The following WASF3 variants were observed in gnomAD, a reference collection of about 807,000 sequenced individuals.
WASF3 encodes the protein actin-binding protein WASF3.
A neutral mutation model predicts 46.6 loss-of-function variants in WASF3; 11 were observed. The ratio of observed to expected loss-of-function variants is 0.24; its 90% CI spans 0.15 to 0.39. WASF3 has a LOEUF of 0.39. Among genes scored for constraint, WASF3 ranks in the 10% least tolerant of loss-of-function variants. WASF3 has a pLI of 1.00. For missense variants in WASF3, 576 were observed against 669.8 expected (o/e 0.86, Z 1.55); for synonymous variants, 242 against 259.7 (o/e 0.93, Z 0.65).
chr13:26,594,991 C>G (rs1340252455), intron 1 of WASF3, among the ~76,000 whole-genome samples: 1 of 152,194 alleles, frequency 6.6e-6, no homozygotes, highest in Admixed American at 6.5e-5. Flanking sequence ...TGTATAACCA[C>G]CAGCAGTGTA....
intron 1 of WASF3, among the ~76,000 whole-genome samples, chr13:26,611,927 C>G (rs1332475318): frequency 1.3e-5 from 2 of 150,924 alleles, no homozygotes; most frequent in Non-Finnish European, 1.5e-5. Context: ...TCATGGGGGT[C>G]CAGATAATTC....
Position 26,613,021 on chromosome 13 carries a change from G to A in WASF3, c.-48G>A, listed in dbSNP as rs562317883. ...CTGAGCCAAAGTGGTGATGCTACTT[G>A]AGGGGAATTTCTGCAACCCATAGTC... On this transcript the variant is annotated 5_prime_UTR_variant, in exon 2 of 10. Coordinates refer to ENST00000335327, the MANE Select transcript of WASF3 (RefSeq NM_006646.6). 2 of 152,158 alleles carry A rather than the reference G, an allele frequency of 1.3e-5. No homozygotes were observed. The highest frequency in any genetic ancestry group is 3.9e-4 in the East Asian group (2 of 5,190). 9.4% of individuals were successfully genotyped at this position (152,158 alleles called of 1,614,324 possible).
At chr13:26,601,236 A>G (rs1383165865) in intron 1 of WASF3, among the ~76,000 whole-genome samples, 1 of 152,216 alleles carries the variant, frequency 6.6e-6, no homozygotes, top group African/African-American at 2.4e-5. Context: ...AATTCCATTT[A>G]TCTCAGCAGT....
chr13:26,568,402 TGACAGAGAA>T (rs1345260127), intron 1 of WASF3, among the ~76,000 whole-genome samples: 2 of 152,270 alleles, frequency 1.3e-5, no homozygotes, highest in East Asian at 3.9e-4. Flanking sequence ...GCACTGCTGC[TGACAGAGAA>T]GCAAAGGTGC....
In WASF3 at chr13:26,676,720, A is replaced by T. The variant is rs774806573; in HGVS notation, c.712A>T (p.Thr238Ser). The T allele has an allele frequency of 2.5e-6, 4 of 1,613,362 alleles. No individual in the cohort carries two copies. Among genetic ancestry groups the T allele is most frequent in the Middle Eastern group, 1.7e-4 (1 of 6,058 alleles). The change falls in exon 7 of 10, where the codon ACT (threonine) becomes TCT (serine). Residue 238 changes from threonine to serine, a missense_variant. By Grantham distance (58) the Thr-to-Ser change is moderately conservative. Around this residue, in one of 3 missense-constraint regions of WASF3, gnomAD observed 295 missense variants for 291.5 expected, o/e 1.01. Coordinates refer to ENST00000335327, the MANE Select transcript of WASF3 (RefSeq NM_006646.6). ...TTCCGAGGGATCCCTGTCCCCAGAT[A>T]CTAGGTGTGTGTGTGTCACTGCTCC... ...ASSEGSLSPD[T>S]RSHASDVTDY...
At chr13:26,586,646 A>G (rs1880135892) in intron 1 of WASF3, among the ~76,000 whole-genome samples, 1 of 152,152 alleles carries the variant, frequency 6.6e-6, no homozygotes, top group Admixed American at 6.5e-5. Context: ...TCTAGTTCCT[A>G]AGAGAATTGT....
chr13:26,681,290 C>T lies in WASF3; in HGVS notation c.953C>T (p.Ala318Val). 1 of 1,609,582 alleles carries T rather than the reference C, an allele frequency of 6.2e-7. No individual in the cohort carries two copies. The highest frequency in any genetic ancestry group is 8.5e-7 in the Non-Finnish European group (1 of 1,178,050). Reference sequence around the variant, plus strand: ...CCTCAGGCCCCAGAGGGGTCCCAGGCCTCTGCACCGATGGCTCCAGCAGAC... The same window carrying T: ...CCTCAGGCCCCAGAGGGGTCCCAGGTCTCTGCACCGATGGCTCCAGCAGAC... ...PPPQAPEGSQ[A>V]SAPMAPADYG... The change falls in exon 8 of 10, where the codon GCC (alanine) becomes GTC (valine). Residue 318 changes from alanine (A) to valine (V), a missense_variant. By Grantham distance (64) the Ala-to-Val change is moderately conservative. Transcript: ENST00000335327.
At chr13:26,665,496 C>T (rs1467160360) in intron 4 of WASF3, among the ~76,000 whole-genome samples, 1 of 152,208 alleles carries the variant, frequency 6.6e-6, no homozygotes, top group African/African-American at 2.4e-5. Context: ...CTAAAACTTA[C>T]AGAGCCACTC....
intron 2 of WASF3, among the ~76,000 whole-genome samples, chr13:26,631,378 C>T (rs1881647722): frequency 6.6e-6 from 1 of 152,188 alleles, no homozygotes; most frequent in Non-Finnish European, 1.5e-5. Context: ...CCAGTTTTAG[C>T]TTTCTACATA....
At chr13:26,579,596 T>C (rs185190215) in intron 1 of WASF3, among the ~76,000 whole-genome samples, 162 of 152,324 alleles carry the variant, frequency 1.1e-3, no homozygotes, top group Non-Finnish European at 1.2e-3. Context: ...TAGTTTACTA[T>C]TTTGTTTTTT....
intron 3 of WASF3, among the ~76,000 whole-genome samples, chr13:26,656,332 TTC>T (rs1882464333): frequency 6.6e-6 from 1 of 152,194 alleles, no homozygotes; most frequent in African/African-American, 2.4e-5. Context: ...ACATTTACCT[TTC>T]TCTTTACCTA....
chr13:26,560,135 C>T (rs1593364982), intron 1 of WASF3, among the ~76,000 whole-genome samples: 1 of 151,632 alleles, frequency 6.6e-6, no homozygotes, highest in East Asian at 2.0e-4. Context: ...CTCAACTTCT[C>T]TTCTCAGTCC....
intron 1 of WASF3, among the ~76,000 whole-genome samples, chr13:26,608,919 CT>C (rs1417881345): frequency 6.6e-6 from 1 of 152,072 alleles, no homozygotes; most frequent in Non-Finnish European, 1.5e-5. Context: ...ATGATGTGAT[CT>C]CATCGATAGA....
chr13:26,563,222 G>A (rs950214985), intron 1 of WASF3, among the ~76,000 whole-genome samples: 1 of 151,914 alleles, frequency 6.6e-6, no homozygotes, highest in African/African-American at 2.4e-5. Context: ...CTTCATAGAT[G>A]TTTTTATTTT....
chr13:26,620,731 C>G (rs1881279945), intron 2 of WASF3: 1 of 152,144 alleles, frequency 6.6e-6, no homozygotes, highest in African/African-American at 2.4e-5. Context: ...GGTGAAAACC[C>G]TGGTGGAGAG....
chr13:26,544,348 T>C, the WASF3 span, among the ~76,000 whole-genome samples: 2 of 152,172 alleles, frequency 1.3e-5, no homozygotes, highest in South Asian at 2.1e-4. Flanking sequence ...CATAGTAAGA[T>C]GGAAGGCCCA....
chr13:26,611,870 C>T (rs146615839), intron 1 of WASF3, among the ~76,000 whole-genome samples: 536 of 149,968 alleles, frequency 3.6e-3, no homozygotes, highest in Non-Finnish European at 6.2e-3. Flanking sequence ...AGGATGGTTG[C>T]GGTCTTAACT....
At chr13:26,559,030 C>G (rs1879196149) in intron 1 of WASF3, among the ~76,000 whole-genome samples, 1 of 152,182 alleles carries the variant, frequency 6.6e-6, no homozygotes. Flanking sequence ...CTTTACCCAA[C>G]TCTCCTTTTC....
intron 3 of WASF3, among the ~76,000 whole-genome samples, chr13:26,658,904 A>T (rs1383902759): frequency 6.6e-6 from 1 of 152,176 alleles, no homozygotes; most frequent in East Asian, 1.9e-4. Context: ...ACTTATTCCG[A>T]AATCTTTTCT....
Sources: allele counts gnomAD v4.1 joint callset (sites outside exome capture counted in the v4.1 genomes callset), GRCh38; gene constraint gnomAD v4.1.1; regional missense constraint gnomAD v4.1.1; transcripts MANE v1.5; gene names NCBI Gene and HGNC (gene_info 2026-07-23, HGNC 2026-07-21).